CCNI: variants seen among roughly 807,000 people sequenced by gnomAD.
CCNI encodes cyclin I, also known as cyclin-I.
Under a neutral mutation model 34.1 loss-of-function variants are expected in CCNI, and 14 were observed. The ratio of observed to expected loss-of-function variants is 0.41; its 90% CI spans 0.27 to 0.64. The LOEUF is 0.64. CCNI is among the 30% of genes least tolerant of loss of function. The pLI is 0.31. For synonymous variants in CCNI, 154 were observed against 158.4 expected (o/e 0.97, Z 0.21); for missense variants, 385 against 440.5 (o/e 0.87, Z 1.13).
chr4:77,065,978 G>A (rs1729005252), intron 2 of CCNI, among the ~76,000 whole-genome samples: 1 of 152,182 alleles, frequency 6.6e-6, no homozygotes, highest in African/African-American at 2.4e-5. Context: ...GCATGCGCCT[G>A]TAGTCCCAGC....
At chr4:77,053,825 CTG>C (rs1560771241) in intron 6 of CCNI, among the ~76,000 whole-genome samples, 1 of 152,124 alleles carries the variant, frequency 6.6e-6, no homozygotes, top group Non-Finnish European at 1.5e-5. Context: ...AGTAAATTTT[CTG>C]TGTCATATTA....
At position 77,048,267 on chromosome 4, in the gene CCNI, C is replaced by T. The variant is rs1727571277; in HGVS notation, c.1086G>A (p.Glu362=). 1.2e-6 allele frequency: 2 copies of T among 1,614,102 alleles called. No individual in the cohort carries two copies. Among genetic ancestry groups the T allele is most frequent in the Non-Finnish European group, 1.7e-6 (2 of 1,180,014 alleles). ...SVCGTDLSRQ[E]GHASPCPPLQ... ...AAGGTGGACAAGGGGAAGCATGTCC[C>T]TCTTGTCTTGATAAATCAGTGCCAC... The change falls in exon 7 of 7, where the codon GAG becomes GAA. Residue 362 remains glutamate, a synonymous_variant. Coordinates refer to ENST00000237654, the MANE Select transcript of CCNI (RefSeq NM_006835.3).
chr4:77,057,108 C>T (rs1184551001), intron 3 of CCNI, among the ~76,000 whole-genome samples: 1 of 152,140 alleles, frequency 6.6e-6, no homozygotes, highest in African/African-American at 2.4e-5. Flanking sequence ...TGCTTGCAAT[C>T]TGGGATATCT....
At chr4:77,071,963 A>T (rs553071738) in intron 1 of CCNI, among the ~76,000 whole-genome samples, 13 of 152,176 alleles carry the variant, frequency 8.5e-5, no homozygotes, top group Non-Finnish European at 1.9e-4. Context: ...TCTACCAACC[A>T]TTTTCAGAAA....
chr4:77,051,030 G>A (rs1017383317), intron 6 of CCNI, among the ~76,000 whole-genome samples: 6 of 152,046 alleles, frequency 3.9e-5, no homozygotes, highest in African/African-American at 4.8e-5. Context: ...TAACCCACTC[G>A]CATTGTCCTG....
chr4:77,053,843 T>C (rs1728034006), intron 6 of CCNI, among the ~76,000 whole-genome samples: 1 of 152,192 alleles, frequency 6.6e-6, no homozygotes, highest in South Asian at 2.1e-4. Flanking sequence ...TATTATTCAT[T>C]TAAATGGTGG....
intron 1 of CCNI, among the ~76,000 whole-genome samples, chr4:77,069,442 T>TATA (rs368074187): frequency 0.019 from 2,216 of 114,144 alleles, 60 homozygotes; most frequent in African/African-American, 0.055. Flanking sequence ...TATATATATA[T>TATA]TTTTTTTATT....
At chr4:77,048,975 T>G (rs1486012623) in intron 6 of CCNI, among the ~76,000 whole-genome samples, 70 of 138,432 alleles carry the variant, frequency 5.1e-4, no homozygotes, top group East Asian at 1.8e-3. Context: ...TTTTTTTTTT[T>G]TTTTTTTTTT....
At chr4:77,067,973 C>T (rs1729178773) in intron 1 of CCNI, among the ~76,000 whole-genome samples, 1 of 151,726 alleles carries the variant, frequency 6.6e-6, no homozygotes, top group Non-Finnish European at 1.5e-5. Flanking sequence ...GTCAGTAGTT[C>T]CAGACCAGCC....
At chr4:77,074,754 T>C (rs1309262390) in intron 1 of CCNI, 34 of 152,200 alleles carry the variant, frequency 2.2e-4, no homozygotes, top group Non-Finnish European at 2.9e-5. Context: ...ATAAACATTT[T>C]AGTTCAAACC....
At chr4:77,049,911 A>C (rs1727714171) in intron 6 of CCNI, among the ~76,000 whole-genome samples, 1 of 152,088 alleles carries the variant, frequency 6.6e-6, no homozygotes, top group Non-Finnish European at 1.5e-5. Context: ...CAATTACAGC[A>C]TTGTCAAAAT....
chr4:77,049,498 G>A (rs1053301447), intron 6 of CCNI, among the ~76,000 whole-genome samples: 12 of 152,088 alleles, frequency 7.9e-5, no homozygotes, highest in African/African-American at 2.2e-4. Flanking sequence ...CCAACATGGC[G>A]AAACCCCTTC....
intron 2 of CCNI, among the ~76,000 whole-genome samples, chr4:77,063,392 A>G (rs1334895573): frequency 6.6e-6 from 1 of 150,418 alleles, no homozygotes; most frequent in African/African-American, 2.4e-5. Flanking sequence ...GAGGAAAATA[A>G]GAGTTAGAAC....
In CCNI at chr4:77,055,225, G is replaced by A. The variant is rs1387693361; in HGVS notation, c.615C>T (p.Ala205=). The change falls in exon 6 of 7, where the codon GCC becomes GCT. Residue 205 remains alanine, a synonymous_variant. Transcript: ENST00000237654. ...LQFRGSMLAL[A]MVSLEMEKLI... is the part of the protein sequence containing the mutation. Reference sequence around the variant, plus strand: ...GTTTCTCCATTTCCAGACTAACCATGGCCAGAGCAAGCATGGATCCTCTGA... The same window carrying A: ...GTTTCTCCATTTCCAGACTAACCATAGCCAGAGCAAGCATGGATCCTCTGA... 1.9e-6 allele frequency: 3 copies of A among 1,614,094 alleles called. No individual in the cohort carries two copies. The highest frequency in any genetic ancestry group is 2.5e-6 in the Non-Finnish European group (3 of 1,179,990).
rs771191755 is a variant in CCNI at position 77,048,386 on chromosome 4, G to A, written c.967C>T (p.Arg323Cys). Reference protein sequence around the residue: ...ASGCKQTSTKRKVEEMEVDDF... With the variant: ...ASGCKQTSTKCKVEEMEVDDF... ...TCCACTTCCATTTCCTCTACTTTGC[G>A]TTTAGTAGAGGTCTGCTTGCACCCA... The change falls in exon 7 of 7, where the codon CGC (arginine) becomes TGC (cysteine). Residue 323 changes from arginine to cysteine, a missense_variant. Arg to Cys is a radical substitution (Grantham distance 180). Transcript: ENST00000237654. The A allele has an allele frequency of 4.3e-6, 7 of 1,613,864 alleles. No individual in the cohort carries two copies. Among genetic ancestry groups the A allele is most frequent in the Admixed American group, 1.7e-5 (1 of 59,964 alleles).
At chr4:77,064,585 G>GCGCACACACACACACA (rs375436623) in intron 2 of CCNI, 7 of 143,102 alleles carry the variant, frequency 4.9e-5, no homozygotes, top group Middle Eastern at 3.6e-3. Flanking sequence ...GCGCGCGCGC[G>GCGCACACACACACACA]CACACACACA....
intron 2 of CCNI, chr4:77,064,587 A>G (rs4859738): frequency 0.18 from 10,017 of 56,470 alleles, 335 homozygotes; most frequent in African/African-American, 0.25. Context: ...GCGCGCGCGC[A>G]CACACACACA....
At chr4:77,060,371 A>G (rs1317953692) in intron 2 of CCNI, among the ~76,000 whole-genome samples, 1 of 152,242 alleles carries the variant, frequency 6.6e-6, no homozygotes, top group Non-Finnish European at 1.5e-5. Context: ...CAGAAAAACA[A>G]ATTTACAAAA....
At chr4:77,065,624 T>C (rs536139655) in intron 2 of CCNI, among the ~76,000 whole-genome samples, 3 of 152,248 alleles carry the variant, frequency 2.0e-5, no homozygotes, top group Admixed American at 6.5e-5. Flanking sequence ...TCAGCCTCTG[T>C]GGCTAACTAT....
Sources: gnomAD v4.1 joint callset for allele counts (sites outside exome capture counted in the v4.1 genomes callset) on GRCh38, gnomAD v4.1.1 for gene constraint, MANE v1.5 for transcripts, NCBI Gene and HGNC (gene_info 2026-07-23, HGNC 2026-07-21) for gene names.